SYNPR: variants seen among roughly 807,000 people sequenced by gnomAD.
SYNPR encodes synaptoporin.
Under a neutral mutation model 32.9 loss-of-function variants are expected in SYNPR, and 23 were observed. The observed-to-expected ratio is 0.70, with a 90% CI of 0.50 to 0.99. SYNPR has a LOEUF of 0.99. Ranked by LOEUF, SYNPR falls within the 50% of genes least tolerant of loss-of-function variation. SYNPR has a pLI of 0.00. For synonymous variants in SYNPR, 146 were observed against 135.9 expected, an observed-to-expected ratio of 1.07 and a Z score of -0.52; for missense variants, 318 against 349.3, an observed-to-expected ratio of 0.91 and a Z score of 0.71.
At position 63,360,013 on chromosome 3, in the gene SYNPR, C is replaced by T. The variant is rs112755383; in HGVS notation, c.84+81271C>T. Among the ~76,000 whole-genome samples the T allele has an allele frequency of 4.8e-3, 730 of 152,328 alleles. 7 individuals are homozygous for T. The highest frequency in any genetic ancestry group is 0.016 in the African/African-American group (667 of 41,566). The stretch of plus-strand genomic sequence containing the variant: ...TAGCCAGTCTCATCTGATTCTCAAA[C>T]ATACATCACAGCCACTGCTTTTCTC... On this transcript the variant is annotated intron_variant, in intron 2 of 5. Transcript: ENST00000478300.
chr3:63,328,949 G>A (rs966141465), intron 2 of SYNPR, among the ~76,000 whole-genome samples: 1 of 152,092 alleles, frequency 6.6e-6, no homozygotes, highest in Non-Finnish European at 1.5e-5. Context: ...CGCACAATAT[G>A]TTTATTTGAA....
chr3:63,501,539 A>G (rs962190609), intron 3 of SYNPR, among the ~76,000 whole-genome samples: 3 of 151,474 alleles, frequency 2.0e-5, no homozygotes, highest in African/African-American at 7.3e-5. Flanking sequence ...AAAATAATAG[A>G]ATAGAAAAGA....
chr3:63,293,991 G>A (rs766638965), intron 2 of SYNPR, among the ~76,000 whole-genome samples: 2 of 152,172 alleles, frequency 1.3e-5, no homozygotes, highest in Admixed American at 6.5e-5. Context: ...GTTCCTAGAA[G>A]AGGCACTGTT....
intron 2 of SYNPR, among the ~76,000 whole-genome samples, chr3:63,266,707 C>CA (rs10644651): frequency 1.9e-4 from 23 of 120,392 alleles, no homozygotes; most frequent in East Asian, 4.4e-4. Context: ...AACTCCGTCT[C>CA]AAAAAAAAAA....
At chr3:63,211,065 C>T in the SYNPR span, among the ~76,000 whole-genome samples, 1 of 152,162 alleles carries the variant, frequency 6.6e-6, no homozygotes, top group South Asian at 2.1e-4. Flanking sequence ...GGGAAAGGTA[C>T]CATAAGACCT....
intron 3 of SYNPR, among the ~76,000 whole-genome samples, chr3:63,502,730 C>T (rs937422588): frequency 2.6e-5 from 4 of 151,722 alleles, no homozygotes; most frequent in Admixed American, 2.6e-4. Flanking sequence ...CTTGGTAGCT[C>T]CTTTCTTTTT....
the SYNPR span, among the ~76,000 whole-genome samples, chr3:63,216,967 C>A: frequency 6.6e-3 from 152 of 22,912 alleles, 32 homozygotes; most frequent in East Asian, 0.039. Context: ...AATACCCTGC[C>A]GTGTGAGGTG....
chr3:63,497,211 C>A (rs769514890), intron 3 of SYNPR, among the ~76,000 whole-genome samples: 1 of 152,030 alleles, frequency 6.6e-6, no homozygotes, highest in Admixed American at 6.6e-5. Flanking sequence ...ACAGTGTGAG[C>A]GAACATTTTG....
intron 4 of SYNPR, among the ~76,000 whole-genome samples, chr3:63,584,058 G>A (rs1575723306): frequency 6.6e-6 from 1 of 152,030 alleles, no homozygotes. Context: ...GAATATTTGC[G>A]GGTGTGGAGG....
intron 2 of SYNPR, among the ~76,000 whole-genome samples, chr3:63,262,107 CA>C (rs140768837): frequency 0.013 from 1,989 of 149,078 alleles, 39 homozygotes; most frequent in African/African-American, 0.046. Context: ...TTCTTAAGGA[CA>C]AAAAAAAAAC....
chr3:63,379,195 T>A (rs893998653), intron 2 of SYNPR, among the ~76,000 whole-genome samples: 1 of 152,104 alleles, frequency 6.6e-6, no homozygotes, highest in Admixed American at 6.6e-5. Context: ...ATTTGTTGAG[T>A]TTTGTTTTAT....
intron 2 of SYNPR, chr3:63,452,155 C>A: frequency 1.4e-6 from 1 of 700,696 alleles, no homozygotes; most frequent in Non-Finnish European, 2.6e-6. Flanking sequence ...TTCATTTGTT[C>A]GTATGTTCAT....
At chr3:63,339,119 G>A (rs373674364) in intron 2 of SYNPR, among the ~76,000 whole-genome samples, 54 of 152,088 alleles carry the variant, frequency 3.6e-4, no homozygotes, top group East Asian at 7.7e-4. Context: ...TTGGTAAAGC[G>A]CTGTTTAATA....
intron 2 of SYNPR, among the ~76,000 whole-genome samples, chr3:63,457,785 G>C (rs1028511643): frequency 5.3e-5 from 8 of 152,180 alleles, no homozygotes; most frequent in African/African-American, 1.9e-4. Context: ...GCGAACTTTG[G>C]TCCAGGAAGG....
intron 2 of SYNPR, among the ~76,000 whole-genome samples, chr3:63,282,282 G>A (rs1416117674): frequency 6.6e-6 from 1 of 151,960 alleles, no homozygotes; most frequent in African/African-American, 2.4e-5. Context: ...ACTAAATGTC[G>A]ATGCATATCA....
intron 3 of SYNPR, among the ~76,000 whole-genome samples, chr3:63,486,489 C>T (rs559693085): frequency 1.6e-4 from 25 of 152,306 alleles, no homozygotes; most frequent in Non-Finnish European, 2.5e-4. Flanking sequence ...TTTACCTTTT[C>T]TGTCTCACTT....
intron 3 of SYNPR, among the ~76,000 whole-genome samples, chr3:63,533,202 T>C (rs545007272): frequency 1.3e-5 from 2 of 152,274 alleles, no homozygotes; most frequent in African/African-American, 2.4e-5. Context: ...TTAATAGACA[T>C]TTATTGAAGA....
At chr3:63,355,996 C>T (rs1014123073) in intron 2 of SYNPR, among the ~76,000 whole-genome samples, 1 of 152,198 alleles carries the variant, frequency 6.6e-6, no homozygotes, top group Non-Finnish European at 1.5e-5. Context: ...ATCTTCTCTG[C>T]CCCTTTTCAG....
At chr3:63,390,798 C>A (rs1279178396) in intron 2 of SYNPR, among the ~76,000 whole-genome samples, 4 of 152,202 alleles carry the variant, frequency 2.6e-5, no homozygotes, top group Non-Finnish European at 5.9e-5. Context: ...TCTGGCTACT[C>A]AGCCAAGGCC....
Sources: gnomAD v4.1 joint callset for allele counts (sites outside exome capture counted in the v4.1 genomes callset) on GRCh38, gnomAD v4.1.1 for gene constraint, MANE v1.5 for transcripts, NCBI Gene and HGNC (gene_info 2026-07-23, HGNC 2026-07-21) for gene names.